The following LMBRD1 variants were observed in gnomAD, a reference collection of about 807,000 sequenced individuals.
The protein encoded by LMBRD1 is LMBR1 domain containing 1, also known as lysosomal cobalamin transport escort protein LMBD1.
LMBRD1 carries 64 observed loss-of-function variants against 74.8 expected under a neutral mutation model. That is an observed-to-expected ratio of 0.86 (90% confidence interval 0.70 to 1.05). The LOEUF is 1.05. Ranked by LOEUF, LMBRD1 falls within the 50% of genes least tolerant of loss-of-function variation. The probability of loss-of-function intolerance (pLI) is 0.00; values close to 1 mark genes in which losing one functional copy is unlikely to be tolerated. For missense variants in LMBRD1, 652 were observed against 645.9 expected (o/e 1.01, Z -0.10); for synonymous variants, 204 against 216.3 (o/e 0.94, Z 0.50).
chr6:69,703,372 T>C (rs922167958), intron 9 of LMBRD1, among the ~76,000 whole-genome samples: 1 of 150,680 alleles, frequency 6.6e-6, no homozygotes, highest in East Asian at 1.9e-4. Flanking sequence ...AGTATAACTA[T>C]GAAATGCCAA....
At chr6:69,763,188 A>C (rs1051646895) in intron 3 of LMBRD1, among the ~76,000 whole-genome samples, 15 of 151,874 alleles carry the variant, frequency 9.9e-5, no homozygotes, top group African/African-American at 3.4e-4. Context: ...AAAGTGTTGA[A>C]GAAGTGGCTT....
chr6:69,790,180 G>T, intron 2 of LMBRD1, 116 bp downstream of exon 2: 1 of 737,458 alleles, frequency 1.4e-6, no homozygotes, highest in East Asian at 2.7e-5. Flanking sequence ...CTTCTATGTT[G>T]TATTTCCATT....
chr6:69,677,226 C>A (rs1307345685), intron 14 of LMBRD1, among the ~76,000 whole-genome samples: 2 of 152,102 alleles, frequency 1.3e-5, no homozygotes, highest in African/African-American at 4.8e-5. Flanking sequence ...CGGGGAAAGC[C>A]AGCAAGGTCT....
intron 11 of LMBRD1, 29 bp downstream of exon 11, chr6:69,701,414 C>G (rs1272798256): frequency 1.3e-5 from 16 of 1,187,914 alleles, no homozygotes; most frequent in Non-Finnish European, 1.9e-5. Context: ...CTAGCAGCTA[C>G]AGTATAAAAT....
intron 14 of LMBRD1, among the ~76,000 whole-genome samples, chr6:69,679,192 C>G (rs1228011647): frequency 6.6e-6 from 1 of 152,046 alleles, no homozygotes; most frequent in Non-Finnish European, 1.5e-5. Context: ...TTCTCTTTAT[C>G]AACAGAAAAG....
At chr6:69,698,029 A>AG (rs1484613761) in intron 13 of LMBRD1, among the ~76,000 whole-genome samples, 3 of 152,036 alleles carry the variant, frequency 2.0e-5, no homozygotes, top group African/African-American at 7.2e-5. Flanking sequence ...AGCATGACCT[A>AG]GTGAGGTAGG....
intron 4 of LMBRD1, 52 bp downstream of exon 4, chr6:69,752,207 G>C (rs191298392): frequency 6.5e-7 from 1 of 1,548,560 alleles, no homozygotes; most frequent in Admixed American, 1.8e-5. Context: ...GAAAAAGCAG[G>C]TAATATTATT....
chr6:69,790,686 C>T, intron 1 of LMBRD1: 2 of 553,600 alleles, frequency 3.6e-6, no homozygotes, highest in Non-Finnish European at 3.2e-6. Flanking sequence ...CATACACACA[C>T]AATACTATTA....
chr6:69,740,779 T>C (rs1001122931), intron 6 of LMBRD1, among the ~76,000 whole-genome samples: 8 of 152,196 alleles, frequency 5.3e-5, no homozygotes, highest in Non-Finnish European at 8.8e-5. Context: ...TTAAGTACAC[T>C]AGGTATCTTT....
chr6:69,716,695 G>A (rs1448372327), intron 8 of LMBRD1, among the ~76,000 whole-genome samples: 2 of 151,768 alleles, frequency 1.3e-5, no homozygotes, highest in Admixed American at 6.6e-5. Flanking sequence ...TTACAAGATG[G>A]TATCTAGATT....
intron 2 of LMBRD1, 70 bp from the exon 3 acceptor site, chr6:69,780,624 T>C: frequency 1.8e-6 from 2 of 1,140,140 alleles, no homozygotes; most frequent in Non-Finnish European, 2.6e-6. Flanking sequence ...AGTCAAGTTT[T>C]AATACGACTG....
At chr6:69,753,460 G>A (rs980218698) in intron 3 of LMBRD1, among the ~76,000 whole-genome samples, 7 of 152,176 alleles carry the variant, frequency 4.6e-5, no homozygotes, top group African/African-American at 1.7e-4. Context: ...GGATGTGGAG[G>A]AACTGGAACC....
intron 7 of LMBRD1, among the ~76,000 whole-genome samples, chr6:69,726,151 G>A (rs1021089704): frequency 9.9e-5 from 15 of 152,014 alleles, no homozygotes; most frequent in South Asian, 2.1e-4. Flanking sequence ...ACTGATCATC[G>A]GAGAAATGCA....
chr6:69,774,716 C>T (rs879923574), intron 3 of LMBRD1, among the ~76,000 whole-genome samples: 6 of 152,022 alleles, frequency 3.9e-5, no homozygotes, highest in Non-Finnish European at 5.9e-5. Flanking sequence ...ACTCAGAAGT[C>T]ACTGCTAAGC....
intron 7 of LMBRD1, among the ~76,000 whole-genome samples, chr6:69,725,671 T>C (rs914358728): frequency 3.9e-5 from 6 of 152,180 alleles, no homozygotes; most frequent in African/African-American, 1.4e-4. Context: ...CCAGGGAAAC[T>C]GGATATCCAT....
chr6:69,735,364 G>C (rs1182197586), intron 7 of LMBRD1, among the ~76,000 whole-genome samples: 1 of 151,540 alleles, frequency 6.6e-6, no homozygotes, highest in African/African-American at 2.4e-5. Flanking sequence ...CGCAGACATG[G>C]AAACAACATG....
chr6:69,717,515 TA>T (rs1766518102), intron 8 of LMBRD1, among the ~76,000 whole-genome samples: 1 of 152,212 alleles, frequency 6.6e-6, no homozygotes, highest in Admixed American at 6.6e-5. Flanking sequence ...AACTACAAAT[TA>T]ACTTTTAGCA....
intron 7 of LMBRD1, among the ~76,000 whole-genome samples, chr6:69,724,099 T>C (rs1766674043): frequency 6.6e-6 from 1 of 151,828 alleles, no homozygotes; most frequent in Admixed American, 6.6e-5. Flanking sequence ...CTACCAAACT[T>C]GAACCATGAA....
chr6:69,689,879 T>A (rs947459990), intron 14 of LMBRD1, among the ~76,000 whole-genome samples: 1 of 151,964 alleles, frequency 6.6e-6, no homozygotes, highest in African/African-American at 2.4e-5. Context: ...ATCTGAAAAA[T>A]AACGAGAGAG....
Sources: gnomAD v4.1 joint callset for allele counts (sites outside exome capture counted in the v4.1 genomes callset) on GRCh38, gnomAD v4.1.1 for gene constraint, MANE v1.5 for transcripts, NCBI Gene and HGNC (gene_info 2026-07-23, HGNC 2026-07-21) for gene names.